The following ADAMTS6 variants were observed in gnomAD, a reference collection of about 807,000 sequenced individuals.
The protein encoded by ADAMTS6 is ADAM metallopeptidase with thrombospondin type 1 motif 6.
Under a neutral mutation model 144.3 loss-of-function variants are expected in ADAMTS6, and 23 were observed. The ratio of observed to expected loss-of-function variants is 0.16; its 90% CI spans 0.11 to 0.23. ADAMTS6 has a LOEUF of 0.23. Among genes scored for constraint, ADAMTS6 ranks in the 10% least tolerant of loss-of-function variants. The probability of loss-of-function intolerance (pLI) is 1.00; values close to 1 mark genes in which losing one functional copy is unlikely to be tolerated. For missense variants in ADAMTS6, 999 were observed against 1,379.6 expected (o/e 0.72, Z 4.37); for synonymous variants, 444 against 457.5 (o/e 0.97, Z 0.38).
chr5:65,213,175 A>C lies in ADAMTS6; in HGVS notation c.2575+1619T>G, dbSNP rs980387225. 2.6e-5 allele frequency among the ~76,000 whole-genome samples: 4 copies of C among 152,314 alleles called. No individual in the cohort carries two copies. The South Asian group carries it at 8.3e-4, about 32-fold the overall frequency. On this transcript the variant is annotated intron_variant, in intron 20 of 24. Transcript: ENST00000381055. ...TACACATAAAATGGATGGGAACTAG[A>C]GATCTTTTAAAATATGTCACGAATT...
intron 7 of ADAMTS6, among the ~76,000 whole-genome samples, chr5:65,392,703 T>C (rs1434652302): frequency 1.3e-5 from 2 of 152,124 alleles, no homozygotes; most frequent in Non-Finnish European, 2.9e-5. Flanking sequence ...AAATTATCTT[T>C]AAATATTAGA....
intron 7 of ADAMTS6, among the ~76,000 whole-genome samples, chr5:65,392,802 G>A (rs941778476): frequency 2.0e-5 from 3 of 152,066 alleles, no homozygotes; most frequent in South Asian, 4.1e-4. Flanking sequence ...AAATCTCTTC[G>A]ATTGTTTAAG....
chr5:65,276,460 C>T lies in ADAMTS6; in HGVS notation c.1513-3013G>A, dbSNP rs181674073. Reference sequence around the variant, plus strand: ...CTTGAATAAGAAAGATACTGGTATCCAATTTCGGAATGTTTCCCAAGACTT... The same window carrying T: ...CTTGAATAAGAAAGATACTGGTATCTAATTTCGGAATGTTTCCCAAGACTT... On this transcript the variant is annotated intron_variant, in intron 11 of 24. Transcript: ENST00000381055. 4.3e-4 allele frequency among the ~76,000 whole-genome samples: 66 copies of T among 152,184 alleles called. 1 individual carries two copies. Among genetic ancestry groups the T allele is most frequent in the Admixed American group, 4.1e-3 (63 of 15,286 alleles).
intron 7 of ADAMTS6, among the ~76,000 whole-genome samples, chr5:65,428,225 CAAAAAAAAAA>C (rs759344039): frequency 1.7e-5 from 1 of 58,400 alleles, no homozygotes; most frequent in African/African-American, 5.3e-5. Flanking sequence ...GACTCCATCT[CAAAAAAAAAA>C]AAAAAAAAAA....
chr5:65,303,808 T>C (rs924853982), intron 9 of ADAMTS6, among the ~76,000 whole-genome samples: 2 of 152,160 alleles, frequency 1.3e-5, no homozygotes, highest in Non-Finnish European at 2.9e-5. Context: ...GGTAGTTACC[T>C]AATTGCTATG....
chr5:65,392,609 C>T (rs1015491810), intron 7 of ADAMTS6, among the ~76,000 whole-genome samples: 1 of 152,116 alleles, frequency 6.6e-6, no homozygotes, highest in Admixed American at 6.6e-5. Context: ...TTATATGACC[C>T]CATTGTTTTA....
chr5:65,476,585 A>G (rs960195415), intron 1 of ADAMTS6, among the ~76,000 whole-genome samples: 3 of 152,142 alleles, frequency 2.0e-5, no homozygotes, highest in African/African-American at 7.2e-5. Context: ...AGTCAACAGT[A>G]GTTAATAACA....
intron 18 of ADAMTS6, among the ~76,000 whole-genome samples, chr5:65,223,328 C>T (rs77375531): frequency 3.4e-4 from 51 of 152,196 alleles, no homozygotes; most frequent in African/African-American, 1.2e-3. Context: ...CTACAGTTGC[C>T]TTTTTTGTAT....
At chr5:65,428,771 G>C (rs1486552951) in intron 7 of ADAMTS6, among the ~76,000 whole-genome samples, 1 of 152,172 alleles carries the variant, frequency 6.6e-6, no homozygotes, top group Non-Finnish European at 1.5e-5. Flanking sequence ...TATTCAGTCT[G>C]TATTAAGTCA....
chr5:65,384,188 A>G (rs983226556), intron 7 of ADAMTS6, among the ~76,000 whole-genome samples: 13 of 152,184 alleles, frequency 8.5e-5, no homozygotes, highest in African/African-American at 3.1e-4. Flanking sequence ...TTGATGGGCC[A>G]CACCCTTACT....
chr5:65,371,934 C>T (rs532944121), intron 7 of ADAMTS6, among the ~76,000 whole-genome samples: 85 of 152,232 alleles, frequency 5.6e-4, no homozygotes, highest in African/African-American at 1.9e-3. Context: ...TCGGCAGAAA[C>T]TCTACAAGCC....
At chr5:65,325,086 G>T (rs1427075422) in intron 9 of ADAMTS6, among the ~76,000 whole-genome samples, 2 of 152,088 alleles carry the variant, frequency 1.3e-5, no homozygotes, top group African/African-American at 4.8e-5. Flanking sequence ...CTATAGAAAA[G>T]CAAGCCTAAT....
intron 1 of ADAMTS6, among the ~76,000 whole-genome samples, chr5:65,474,881 G>A (rs1760739279): frequency 6.6e-6 from 1 of 151,352 alleles, no homozygotes; most frequent in African/African-American, 2.4e-5. Flanking sequence ...GAGGCAAATG[G>A]GTCTTACATA....
chr5:65,342,053 T>C (rs1360993212), intron 7 of ADAMTS6, among the ~76,000 whole-genome samples: 1 of 152,124 alleles, frequency 6.6e-6, no homozygotes, highest in Admixed American at 6.5e-5. Flanking sequence ...AATCAATAAA[T>C]GTCATATATC....
intron 22 of ADAMTS6, among the ~76,000 whole-genome samples, chr5:65,178,023 G>A (rs1053260024): frequency 2.6e-5 from 4 of 152,172 alleles, no homozygotes; most frequent in Admixed American, 6.5e-5. Flanking sequence ...TGTCTCTCAC[G>A]ACAGGGAGGA....
At chr5:65,303,592 C>A (rs1345866431) in intron 9 of ADAMTS6, among the ~76,000 whole-genome samples, 9 of 151,772 alleles carry the variant, frequency 5.9e-5, no homozygotes, top group Non-Finnish European at 1.3e-4. Flanking sequence ...CTTTCATATA[C>A]ATGTTTTTGC....
chr5:65,262,401 T>C (rs1448074508), intron 13 of ADAMTS6, among the ~76,000 whole-genome samples: 1 of 152,230 alleles, frequency 6.6e-6, no homozygotes, highest in Non-Finnish European at 1.5e-5. Context: ...AGTGCTCTCA[T>C]TGGTCCTTTT....
chr5:65,329,644 A>C (rs1045642862), intron 8 of ADAMTS6, among the ~76,000 whole-genome samples, 161 bp from the exon 9 acceptor site: 1 of 152,032 alleles, frequency 6.6e-6, no homozygotes, highest in African/African-American at 2.4e-5. Flanking sequence ...CACTGGGGGG[A>C]ATTTCACTTT....
intron 18 of ADAMTS6, among the ~76,000 whole-genome samples, chr5:65,223,099 G>C (rs570691248): frequency 2.0e-5 from 3 of 152,084 alleles, no homozygotes; most frequent in Non-Finnish European, 2.9e-5. Flanking sequence ...TATTGACAAG[G>C]ATGTAGAGCA....
Sources: gnomAD v4.1 joint callset for allele counts (sites outside exome capture counted in the v4.1 genomes callset) on GRCh38, gnomAD v4.1.1 for gene constraint, MANE v1.5 for transcripts, NCBI Gene and HGNC (gene_info 2026-07-23, HGNC 2026-07-21) for gene names.